Variants in CSMD3 observed in about 807,000 individuals in gnomAD.
CSMD3 encodes CUB and sushi domain-containing protein 3.
Under a neutral mutation model 435.2 loss-of-function variants are expected in CSMD3, and 177 were observed. That is an observed-to-expected ratio of 0.41 (90% confidence interval 0.36 to 0.46). The LOEUF (loss-of-function observed/expected upper bound fraction) is 0.46. CSMD3 is among the 20% of genes least tolerant of loss of function. CSMD3 has a pLI of 0.34. For missense variants in CSMD3, 4,265 were observed against 4,504.6 expected, an observed-to-expected ratio of 0.95 and a Z score of 1.52; for synonymous variants, 1,656 against 1,520.5, an observed-to-expected ratio of 1.09 and a Z score of -2.07.
intron 15 of CSMD3, among the ~76,000 whole-genome samples, chr8:112,684,987 C>A (rs941306894): frequency 6.6e-6 from 1 of 152,024 alleles, no homozygotes; most frequent in African/African-American, 2.4e-5. Context: ...TAATTCTATG[C>A]CATGATTAGT....
chr8:112,401,506 C>T (rs1190387330), intron 35 of CSMD3, among the ~76,000 whole-genome samples: 1 of 152,044 alleles, frequency 6.6e-6, no homozygotes, highest in Admixed American at 6.5e-5. Context: ...AGAGCATAAA[C>T]ATTGGTTAAA....
At chr8:112,910,208 A>C (rs1370964296) in intron 10 of CSMD3, among the ~76,000 whole-genome samples, 1 of 151,754 alleles carries the variant, frequency 6.6e-6, no homozygotes, top group Non-Finnish European at 1.5e-5. Flanking sequence ...AAAGCTCTCC[A>C]GGTGATTTTC....
chr8:113,360,574 T>C (rs1318873577), intron 1 of CSMD3, among the ~76,000 whole-genome samples: 1 of 131,784 alleles, frequency 7.6e-6, no homozygotes, highest in African/African-American at 3.2e-5. Context: ...TTCAGTCTTT[T>C]TTTTTTTTTT....
intron 3 of CSMD3, among the ~76,000 whole-genome samples, chr8:113,250,027 A>T (rs1295843826): frequency 6.6e-6 from 1 of 152,160 alleles, no homozygotes; most frequent in African/African-American, 2.4e-5. Flanking sequence ...AAATAAACAA[A>T]TAAATACAAC....
chr8:113,153,483 T>C (rs143982283), intron 4 of CSMD3, among the ~76,000 whole-genome samples: 2 of 152,220 alleles, frequency 1.3e-5, no homozygotes, highest in African/African-American at 4.8e-5. Flanking sequence ...AAATGTTTTC[T>C]AACATTTGAA....
chr8:113,124,723 T>C (rs1439851285), intron 4 of CSMD3, among the ~76,000 whole-genome samples: 1 of 151,978 alleles, frequency 6.6e-6, no homozygotes, highest in African/African-American at 2.4e-5. Context: ...GTTGTGGTAG[T>C]TGAAAAGCTT....
chr8:113,314,830 A>T, intron 1 of CSMD3, 37 bp from the exon 2 acceptor site: 1 of 1,268,808 alleles, frequency 7.9e-7, no homozygotes. Flanking sequence ...TTAATATTAT[A>T]TAAATCAAGA....
intron 2 of CSMD3, chr8:113,311,393 C>T (rs972023745): frequency 6.6e-6 from 1 of 151,922 alleles, no homozygotes; most frequent in African/African-American, 2.4e-5. Flanking sequence ...TTTATTTATA[C>T]AAGCAAGAAT....
At chr8:113,376,941 G>C in intron 1 of CSMD3, 1 of 1,486,192 alleles carries the variant, frequency 6.7e-7, no homozygotes, top group African/African-American at 1.4e-5. Flanking sequence ...ATGACGTGCG[G>C]GTTCAGGAGG....
intron 68 of CSMD3, among the ~76,000 whole-genome samples, chr8:112,233,184 G>T (rs2129923000): frequency 6.6e-6 from 1 of 152,246 alleles, no homozygotes; most frequent in South Asian, 2.1e-4. Flanking sequence ...ATATCCTGAA[G>T]TTTGTGTTAA....
In CSMD3 at chr8:112,918,148, A is replaced by G. The variant is rs1237080549; in HGVS notation, c.1633+3479T>C. On this transcript the variant is annotated intron_variant, in intron 10 of 70. Transcript: ENST00000297405. ...AATAATTTTATACTCTATATCACATATGGTACATAATCTAGAATACCTACT... is the reference window on the plus strand; with the variant it reads ...AATAATTTTATACTCTATATCACATGTGGTACATAATCTAGAATACCTACT... Among the ~76,000 whole-genome samples, 5 of 152,082 alleles carry G rather than the reference A, an allele frequency of 3.3e-5. No individual in the cohort carries two copies. The East Asian group carries it at 9.7e-4, about 29-fold the overall frequency.
chr8:112,516,919 G>T, intron 28 of CSMD3, 115 bp downstream of exon 28: 1 of 789,818 alleles, frequency 1.3e-6, no homozygotes, highest in Non-Finnish European at 2.1e-6. Context: ...ATAATCCTCT[G>T]AAATCTTAGA....
chr8:112,239,891 A>T (rs1813957697), intron 66 of CSMD3, among the ~76,000 whole-genome samples: 1 of 152,028 alleles, frequency 6.6e-6, no homozygotes, highest in Non-Finnish European at 1.5e-5. Flanking sequence ...TTATTATTAC[A>T]TTGATTTCTG....
intron 56 of CSMD3, 97 bp from the exon 57 acceptor site, chr8:112,289,635 T>C (rs1472731189): frequency 1.2e-6 from 1 of 800,752 alleles, no homozygotes; most frequent in Non-Finnish European, 1.9e-6. Flanking sequence ...GTAAATGTTC[T>C]GCTGAAACAT....
At chr8:113,121,559 T>C (rs956320316) in intron 4 of CSMD3, among the ~76,000 whole-genome samples, 2 of 152,138 alleles carry the variant, frequency 1.3e-5, no homozygotes, top group African/African-American at 2.4e-5. Flanking sequence ...TGGGGCTGAA[T>C]AGGCTTGAGC....
At chr8:113,056,451 A>C (rs1438668802) in intron 5 of CSMD3, among the ~76,000 whole-genome samples, 1 of 152,216 alleles carries the variant, frequency 6.6e-6, no homozygotes, top group African/African-American at 2.4e-5. Flanking sequence ...TTATCTACTT[A>C]ACATTTTCAC....
At chr8:112,264,393 T>G (rs901413227) in intron 60 of CSMD3, among the ~76,000 whole-genome samples, 42 of 152,256 alleles carry the variant, frequency 2.8e-4, no homozygotes, top group African/African-American at 9.1e-4. Flanking sequence ...TTGTTTTCAG[T>G]TATCTTTAAG....
At chr8:113,001,030 G>A (rs929064901) in intron 6 of CSMD3, among the ~76,000 whole-genome samples, 2 of 151,558 alleles carry the variant, frequency 1.3e-5, no homozygotes, top group Non-Finnish European at 2.9e-5. Context: ...TTCTTTTTTG[G>A]TCATAGCAAC....
chr8:112,559,962 G>A (rs1828470879), intron 24 of CSMD3, among the ~76,000 whole-genome samples: 1 of 151,572 alleles, frequency 6.6e-6, no homozygotes, highest in South Asian at 2.1e-4. Context: ...ACTTTTACTT[G>A]TGTCCTAAAT....
Sources: gnomAD v4.1 joint callset for allele counts (sites outside exome capture counted in the v4.1 genomes callset) on GRCh38, gnomAD v4.1.1 for gene constraint, MANE v1.5 for transcripts, NCBI Gene and HGNC (gene_info 2026-07-23, HGNC 2026-07-21) for gene names.